ADGRG6: variants seen among roughly 807,000 people sequenced by gnomAD.
ADGRG6 encodes G-protein coupled receptor 126.
ADGRG6 carries 84 observed loss-of-function variants against 142.4 expected under a neutral mutation model. The ratio of observed to expected loss-of-function variants is 0.59; its 90% CI spans 0.49 to 0.71. The LOEUF is 0.71. ADGRG6 is among the 30% of genes least tolerant of loss of function. The pLI is 0.00. For missense variants in ADGRG6, 1,367 were observed against 1,466.6 expected, an observed-to-expected ratio of 0.93 and a Z score of 1.11; for synonymous variants, 521 against 520.5, an observed-to-expected ratio of 1.00 and a Z score of -0.01.
chr6:142,380,882 T>G (rs980600657), intron 4 of ADGRG6, among the ~76,000 whole-genome samples: 18 of 152,170 alleles, frequency 1.2e-4, no homozygotes, highest in African/African-American at 4.1e-4. Flanking sequence ...CCTCACATAA[T>G]GTAGGCAATA....
chr6:142,423,473 T>G (rs1306400764), intron 22 of ADGRG6, among the ~76,000 whole-genome samples: 7 of 151,890 alleles, frequency 4.6e-5, no homozygotes, highest in South Asian at 2.1e-4. Context: ...AAAGATCAGA[T>G]AGTTGTAGAT....
At chr6:142,422,354 C>A (rs1216559124) in intron 22 of ADGRG6, among the ~76,000 whole-genome samples, 2 of 152,052 alleles carry the variant, frequency 1.3e-5, no homozygotes, top group Admixed American at 1.3e-4. Flanking sequence ...GTGATATTCC[C>A]CTTCCTGTGT....
intron 2 of ADGRG6, among the ~76,000 whole-genome samples, chr6:142,345,304 C>T (rs931113669): frequency 6.6e-6 from 1 of 152,042 alleles, no homozygotes; most frequent in African/African-American, 2.4e-5. Context: ...AACTTGAAAA[C>T]ATATCGTAAT....
intron 2 of ADGRG6, among the ~76,000 whole-genome samples, chr6:142,344,104 C>G (rs1779783566): frequency 6.6e-6 from 1 of 151,756 alleles, no homozygotes; most frequent in Non-Finnish European, 1.5e-5. Flanking sequence ...AGTTCACATG[C>G]TAATACATGA....
chr6:142,319,376 C>G (rs767035424), intron 2 of ADGRG6, among the ~76,000 whole-genome samples: 1 of 152,042 alleles, frequency 6.6e-6, no homozygotes, highest in Non-Finnish European at 1.5e-5. Flanking sequence ...GTAAATCGGA[C>G]AAAAATCTCC....
intron 2 of ADGRG6, among the ~76,000 whole-genome samples, chr6:142,355,909 CT>C (rs1392002480): frequency 6.6e-6 from 1 of 152,140 alleles, no homozygotes; most frequent in East Asian, 1.9e-4. Context: ...ACTTCGTGAA[CT>C]TTTTCAAGCA....
chr6:142,337,034 G>C (rs72988315), intron 2 of ADGRG6, among the ~76,000 whole-genome samples: 2 of 152,210 alleles, frequency 1.3e-5, no homozygotes, highest in Non-Finnish European at 2.9e-5. Context: ...CGTCTACCAG[G>C]GCAGTGTCCC....
chr6:142,354,864 C>T (rs1780367810), intron 2 of ADGRG6, among the ~76,000 whole-genome samples: 1 of 152,194 alleles, frequency 6.6e-6, no homozygotes, highest in Non-Finnish European at 1.5e-5. Flanking sequence ...ACAACATTGG[C>T]TGGATGGCCC....
At chr6:142,322,439 C>A (rs919742672) in intron 2 of ADGRG6, among the ~76,000 whole-genome samples, 1 of 151,842 alleles carries the variant, frequency 6.6e-6, no homozygotes, top group African/African-American at 2.4e-5. Flanking sequence ...GGAAGAGAAC[C>A]CATTTCTGCA....
At chr6:142,423,208 GC>G (rs1467520949) in intron 22 of ADGRG6, among the ~76,000 whole-genome samples, 1 of 142,256 alleles carries the variant, frequency 7.0e-6, no homozygotes, top group African/African-American at 2.7e-5. Flanking sequence ...TGTTGCCATT[GC>G]TTTTGGTGTT....
chr6:142,345,431 A>G (rs545645403), intron 2 of ADGRG6, among the ~76,000 whole-genome samples: 3 of 152,098 alleles, frequency 2.0e-5, no homozygotes, highest in Non-Finnish European at 4.4e-5. Flanking sequence ...ATTAAACACT[A>G]TATTAAACCT....
At position 142,302,240 on chromosome 6, in the gene ADGRG6, T is replaced by A; in HGVS notation, c.-90T>A. ...GCGGCGCAGGGCTGGGGCGCCTGGG[T>A]TCCCCCTGGGTGGAGCAGCGGCAGC... On this transcript the variant is annotated 5_prime_UTR_variant, in exon 1 of 25. Transcript: ENST00000367609. 2.7e-6 allele frequency: 4 copies of A among 1,506,758 alleles called. No homozygotes were observed. The highest frequency in any genetic ancestry group is 3.6e-6 in the Non-Finnish European group (4 of 1,103,248). The allele number at this position is 1,506,758 out of a possible 1,614,324, so 93.3% of individuals were successfully genotyped here. A position where few individuals can be genotyped will look rare whatever the true frequency, so the allele number is the denominator to read the frequency against.
intron 2 of ADGRG6, among the ~76,000 whole-genome samples, chr6:142,320,360 C>G (rs1778452277): frequency 6.6e-6 from 1 of 152,014 alleles, no homozygotes; most frequent in Non-Finnish European, 1.5e-5. Flanking sequence ...TAAACTTGAA[C>G]AGCACACACC....
rs1160756226 is a variant in ADGRG6, at chr6:142,420,122, T to C, written c.3319+18T>C. 4 of 1,584,192 alleles carry C rather than the reference T, an allele frequency of 2.5e-6. 1 individual carries two copies. Among genetic ancestry groups the C allele is most frequent in the South Asian group, 2.2e-5 (2 of 89,762 alleles). On this transcript the variant is annotated intron_variant, in intron 22 of 24. Coordinates refer to ENST00000367609, the MANE Select transcript of ADGRG6 (RefSeq NM_198569.3). ...ATTACAAGGTAAGATAAATTGTACA[T>C]GAATAGTCTCTGCTTTCTAATTTTG...
At chr6:142,339,052 A>G (rs1779491302) in intron 2 of ADGRG6, among the ~76,000 whole-genome samples, 1 of 152,210 alleles carries the variant, frequency 6.6e-6, no homozygotes, top group African/African-American at 2.4e-5. Context: ...CTTCACATCC[A>G]GGATAGTTAT....
intron 9 of ADGRG6, among the ~76,000 whole-genome samples, chr6:142,394,863 A>G (rs190858924): frequency 4.5e-4 from 69 of 152,220 alleles, no homozygotes; most frequent in African/African-American, 1.6e-3. Flanking sequence ...TGCTGGGATT[A>G]CATGTACAGG....
intron 24 of ADGRG6, among the ~76,000 whole-genome samples, chr6:142,442,900 C>A (rs1435137851): frequency 6.6e-6 from 1 of 152,050 alleles, no homozygotes; most frequent in Non-Finnish European, 1.5e-5. Flanking sequence ...CAATTTATAG[C>A]CAGTTATACA....
chr6:142,413,340 T>C (rs994763519), intron 18 of ADGRG6, among the ~76,000 whole-genome samples: 1 of 152,174 alleles, frequency 6.6e-6, no homozygotes, highest in Non-Finnish European at 1.5e-5. Context: ...TATCTTCTGG[T>C]CTACAAATAT....
intron 6 of ADGRG6, among the ~76,000 whole-genome samples, chr6:142,389,185 A>G (rs1178404318): frequency 6.6e-6 from 1 of 152,004 alleles, no homozygotes; most frequent in Non-Finnish European, 1.5e-5. Context: ...CTGGAAAGAC[A>G]TTCCTTTGGT....
Sources: allele counts gnomAD v4.1 joint callset (sites outside exome capture counted in the v4.1 genomes callset), GRCh38; gene constraint gnomAD v4.1.1; transcripts MANE v1.5; gene names NCBI Gene and HGNC (gene_info 2026-07-23, HGNC 2026-07-21).